The following GUCY1A2 variants were observed in gnomAD, a reference collection of about 807,000 sequenced individuals.
GUCY1A2 encodes the protein guanylate cyclase 1 soluble subunit alpha 2, also known as guanylate cyclase soluble subunit alpha-2.
Under a neutral mutation model 63.5 loss-of-function variants are expected in GUCY1A2, and 27 were observed. That is an observed-to-expected ratio of 0.43 (90% confidence interval 0.31 to 0.59). The LOEUF is 0.59. GUCY1A2 is among the 20% of genes least tolerant of loss of function. The pLI is 0.11. For synonymous variants in GUCY1A2, 364 were observed against 343.5 expected (o/e 1.06, Z -0.66); for missense variants, 768 against 913.3 (o/e 0.84, Z 2.05).
chr11:106,891,948 T>C (rs1235536503), intron 4 of GUCY1A2, among the ~76,000 whole-genome samples: 2 of 152,098 alleles, frequency 1.3e-5, no homozygotes, highest in African/African-American at 4.8e-5. Flanking sequence ...TGAATTTTTA[T>C]TGGGATGCAC....
At chr11:106,775,563 A>C (rs553498414) in intron 6 of GUCY1A2, among the ~76,000 whole-genome samples, 1 of 151,466 alleles carries the variant, frequency 6.6e-6, no homozygotes, top group East Asian at 1.9e-4. Flanking sequence ...ATAGTTTTTT[A>C]AAAATATTTT....
At chr11:106,692,059 A>G (rs79120970) in intron 7 of GUCY1A2, among the ~76,000 whole-genome samples, 1 of 152,252 alleles carries the variant, frequency 6.6e-6, no homozygotes, top group East Asian at 1.9e-4. Flanking sequence ...ATTAGGAATT[A>G]TTTAGAACCT....
intron 4 of GUCY1A2, among the ~76,000 whole-genome samples, chr11:106,859,494 T>G (rs1237832530): frequency 6.6e-6 from 1 of 152,036 alleles, no homozygotes; most frequent in Non-Finnish European, 1.5e-5. Flanking sequence ...ATTAATTGAC[T>G]TCATAAAAGT....
chr11:106,675,448 A>G lies in GUCY1A2; in HGVS notation c.*12101T>C, dbSNP rs567106058. On this transcript the variant is annotated 3_prime_UTR_variant, in exon 8 of 8. Transcript: ENST00000526355. ...CATAGTCGGAATAATTTTTGCTCCA[A>G]ATTCTTAAAGGAGACAATGAATTAG... The G allele has an allele frequency of 3.3e-4, 66 of 201,504 alleles. No individual in the cohort carries two copies. The highest frequency in any genetic ancestry group is 1.2e-3 in the African/African-American group (52 of 43,656). The allele number at this position is 201,504 out of a possible 1,614,324, so 12.5% of individuals were successfully genotyped here. A position where few individuals can be genotyped will look rare whatever the true frequency, so the allele number is the denominator to read the frequency against.
chr11:107,012,738 T>C (rs1861765438), intron 1 of GUCY1A2, among the ~76,000 whole-genome samples: 1 of 152,206 alleles, frequency 6.6e-6, no homozygotes, highest in Non-Finnish European at 1.5e-5. Flanking sequence ...TCAACAAATG[T>C]GAAAACATTA....
intron 6 of GUCY1A2, among the ~76,000 whole-genome samples, chr11:106,740,689 T>TGTATGTATGTATGTATGTA (rs1565274749): frequency 1.3e-5 from 2 of 149,452 alleles, no homozygotes; most frequent in Admixed American, 6.7e-5. Context: ...TATGTATGTA[T>TGTATGTATGTATGTATGTA]TTAGAGACAG....
chr11:106,735,342 A>G (rs1478482192), intron 6 of GUCY1A2, among the ~76,000 whole-genome samples: 2 of 151,944 alleles, frequency 1.3e-5, no homozygotes, highest in Non-Finnish European at 2.9e-5. Context: ...CTCTATCTCC[A>G]TGAGTTCAAC....
At chr11:106,950,038 G>A (rs576893166) in intron 3 of GUCY1A2, among the ~76,000 whole-genome samples, 1 of 152,288 alleles carries the variant, frequency 6.6e-6, no homozygotes. Flanking sequence ...AGTATTCACT[G>A]GCAGGCCTTT....
intron 1 of GUCY1A2, among the ~76,000 whole-genome samples, chr11:106,998,597 C>T (rs922339691): frequency 6.6e-6 from 1 of 152,070 alleles, no homozygotes; most frequent in Non-Finnish European, 1.5e-5. Flanking sequence ...GCATGCATAA[C>T]GACTCTTAAC....
chr11:106,725,195 C>T lies in GUCY1A2; in HGVS notation c.1837-16529G>A, dbSNP rs1248041631. Among the ~76,000 whole-genome samples, 22 of 8,548 alleles carry T rather than the reference C, an allele frequency of 2.6e-3. 1 individual carries two copies. Among genetic ancestry groups the T allele is most frequent in the African/African-American group, 9.9e-3 (16 of 1,614 alleles). 5.6% of individuals were successfully genotyped at this position (8,548 alleles called of 152,430 possible). A position where few individuals can be genotyped will look rare whatever the true frequency, so the allele number is the denominator to read the frequency against. ...TTTTTTTTTTTTTTTTTTTTTGAGA[C>T]GGAGTCTCGCTCTGTCGCCCAGGCT... On this transcript the variant is annotated intron_variant, in intron 6 of 7. Coordinates refer to ENST00000526355, the MANE Select transcript of GUCY1A2 (RefSeq NM_000855.3).
intron 5 of GUCY1A2, among the ~76,000 whole-genome samples, chr11:106,799,987 A>G (rs1279339854): frequency 1.3e-5 from 2 of 152,278 alleles, no homozygotes; most frequent in East Asian, 1.9e-4. Context: ...TTTGCAATTT[A>G]CTCATCTGAC....
At chr11:106,863,841 G>T (rs773427165) in intron 4 of GUCY1A2, among the ~76,000 whole-genome samples, 16 of 152,018 alleles carry the variant, frequency 1.1e-4, no homozygotes, top group Non-Finnish European at 2.1e-4. Flanking sequence ...CCTTGAAATG[G>T]TCATTCACAA....
chr11:106,960,467 C>T (rs1861044834), intron 3 of GUCY1A2, among the ~76,000 whole-genome samples: 2 of 152,158 alleles, frequency 1.3e-5, no homozygotes, highest in Non-Finnish European at 2.9e-5. Context: ...GAGTAGTCTG[C>T]TATTAATTTG....
At chr11:107,005,539 G>T (rs1055468656) in intron 1 of GUCY1A2, among the ~76,000 whole-genome samples, 2 of 152,140 alleles carry the variant, frequency 1.3e-5, no homozygotes, top group Admixed American at 1.3e-4. Context: ...CTCCCAAAGT[G>T]CTGAGATTAC....
chr11:106,807,683 G>T (rs1219929144), intron 5 of GUCY1A2, among the ~76,000 whole-genome samples: 4 of 152,192 alleles, frequency 2.6e-5, no homozygotes, highest in African/African-American at 9.7e-5. Flanking sequence ...GTTGCCAAAG[G>T]AGATTAACAT....
intron 3 of GUCY1A2, among the ~76,000 whole-genome samples, chr11:106,957,410 C>T (rs955226693): frequency 5.3e-5 from 8 of 152,288 alleles, no homozygotes; most frequent in South Asian, 2.1e-4. Context: ...AAGGCTGGGA[C>T]GCTAGGCCCT....
rs758354384 is a variant in GUCY1A2 at position 106,746,130 on chromosome 11, CA to C, written c.1836+30308del. On this transcript the variant is annotated intron_variant, in intron 6 of 7. Transcript: ENST00000526355. ...ATGAAAGCCACTGGAATCTGGGGAG[CA>C]TATCAGTGGCTAGCACCCAAGAGAT... Among the ~76,000 whole-genome samples, 1,444 of 151,972 alleles carry C rather than the reference CA, an allele frequency of 9.5e-3. 10 individuals are homozygous for C. Among genetic ancestry groups the C allele is most frequent in the Non-Finnish European group, 0.014 (982 of 67,986 alleles).
intron 4 of GUCY1A2, among the ~76,000 whole-genome samples, chr11:106,916,338 T>C (rs1295731257): frequency 6.9e-6 from 1 of 145,558 alleles, no homozygotes. Flanking sequence ...TCAGTCTATA[T>C]ATGTAAAACA....
intron 4 of GUCY1A2, among the ~76,000 whole-genome samples, chr11:106,864,492 G>A (rs1859562161): frequency 6.6e-6 from 1 of 151,988 alleles, no homozygotes; most frequent in Non-Finnish European, 1.5e-5. Context: ...TCCTTGTCTT[G>A]TGCCAGTTTT....
Sources: gnomAD v4.1 joint callset for allele counts (sites outside exome capture counted in the v4.1 genomes callset) on GRCh38, gnomAD v4.1.1 for gene constraint, MANE v1.5 for transcripts, NCBI Gene and HGNC (gene_info 2026-07-23, HGNC 2026-07-21) for gene names.